Variants in CCSER1 observed in about 807,000 individuals in gnomAD.
The protein encoded by CCSER1 is coiled-coil serine rich protein 1.
A neutral mutation model predicts 82.0 loss-of-function variants in CCSER1; 41 were observed. That is an observed-to-expected ratio of 0.50 (90% CI 0.39 to 0.65). The LOEUF (loss-of-function observed/expected upper bound fraction) is 0.65. Among genes scored for constraint, CCSER1 ranks in the 30% least tolerant of loss-of-function variants. The pLI, the probability that CCSER1 is intolerant of heterozygous loss-of-function variation, is 0.00. For synonymous variants in CCSER1, 414 were observed against 383.9 expected (o/e 1.08, Z -0.92); for missense variants, 1,119 against 1,064.2 (o/e 1.05, Z -0.72).
intron 10 of CCSER1, among the ~76,000 whole-genome samples, chr4:91,099,380 AT>A (rs1205720392): frequency 1.8e-4 from 27 of 152,334 alleles, no homozygotes; most frequent in African/African-American, 5.3e-4. Flanking sequence ...TCAGTAAAAA[AT>A]ATCTCAAAAC....
At chr4:90,736,901 A>C (rs1022435927) in intron 7 of CCSER1, among the ~76,000 whole-genome samples, 13 of 152,072 alleles carry the variant, frequency 8.5e-5, no homozygotes, top group Non-Finnish European at 1.9e-4. Context: ...TTTGCAAGTA[A>C]CAACTTATAA....
At chr4:90,558,283 T>A (rs1778356739) in intron 5 of CCSER1, among the ~76,000 whole-genome samples, 1 of 152,178 alleles carries the variant, frequency 6.6e-6, no homozygotes, top group Non-Finnish European at 1.5e-5. Context: ...ACAATTATTC[T>A]TGAAACTTGA....
chr4:91,037,580 T>A (rs1331916353), intron 9 of CCSER1, among the ~76,000 whole-genome samples: 1 of 124,306 alleles, frequency 8.0e-6, no homozygotes, highest in African/African-American at 2.7e-5. Flanking sequence ...ATATTTCTAC[T>A]TTTCCTTCTT....
intron 8 of CCSER1, among the ~76,000 whole-genome samples, chr4:90,859,088 G>A (rs1016555372): frequency 1.3e-5 from 2 of 151,888 alleles, no homozygotes; most frequent in African/African-American, 2.4e-5. Flanking sequence ...TGTTTGAAGT[G>A]ACAGAAGTGA....
chr4:91,043,175 T>A (rs953318681), intron 9 of CCSER1, among the ~76,000 whole-genome samples: 5 of 151,994 alleles, frequency 3.3e-5, no homozygotes, highest in African/African-American at 1.2e-4. Context: ...AAAACAACTT[T>A]TAGTTAGTAT....
chr4:91,139,184 G>A (rs967922882), intron 10 of CCSER1, among the ~76,000 whole-genome samples: 1 of 152,102 alleles, frequency 6.6e-6, no homozygotes, highest in Non-Finnish European at 1.5e-5. Context: ...AATTCCTGCT[G>A]AATCCATGTT....
At chr4:91,511,772 G>A (rs1759837835) in intron 10 of CCSER1, among the ~76,000 whole-genome samples, 2 of 152,106 alleles carry the variant, frequency 1.3e-5, no homozygotes, top group African/African-American at 4.8e-5. Context: ...CTAGTTGCAG[G>A]AAAACAAGCT....
intron 10 of CCSER1, among the ~76,000 whole-genome samples, chr4:91,594,382 CACATATAT>C (rs940855018): frequency 7.4e-6 from 1 of 135,938 alleles, no homozygotes; most frequent in Admixed American, 7.1e-5. Flanking sequence ...TATATATACA[CACATATAT>C]ACATATATAC....
intron 9 of CCSER1, among the ~76,000 whole-genome samples, chr4:91,024,771 A>G (rs1323851645): frequency 6.6e-6 from 1 of 152,098 alleles, no homozygotes; most frequent in Non-Finnish European, 1.5e-5. Context: ...GCAAACTTGT[A>G]GACATTTTAA....
intron 8 of CCSER1, among the ~76,000 whole-genome samples, chr4:90,824,770 G>C (rs1319347867): frequency 2.6e-5 from 4 of 152,146 alleles, no homozygotes; most frequent in Non-Finnish European, 5.9e-5. Flanking sequence ...ATGGACAGCT[G>C]TAAGTACTTT....
At chr4:90,696,622 C>T (rs549365311) in intron 6 of CCSER1, among the ~76,000 whole-genome samples, 5 of 152,222 alleles carry the variant, frequency 3.3e-5, no homozygotes, top group South Asian at 2.1e-4. Context: ...CATATAGACA[C>T]GTAAACAAAT....
chr4:91,280,931 T>C (rs1196021037), intron 10 of CCSER1, among the ~76,000 whole-genome samples: 1 of 152,104 alleles, frequency 6.6e-6, no homozygotes, highest in Non-Finnish European at 1.5e-5. Flanking sequence ...TGGTGCTATA[T>C]TTGCTTAGGA....
At chr4:90,152,683 G>C (rs1043557354) in intron 1 of CCSER1, among the ~76,000 whole-genome samples, 4 of 152,088 alleles carry the variant, frequency 2.6e-5, no homozygotes, top group African/African-American at 9.7e-5. Context: ...CTGAGATAGA[G>C]AGTGCCCAAA....
intron 10 of CCSER1, among the ~76,000 whole-genome samples, chr4:91,574,257 A>G (rs35668293): frequency 8.1e-4 from 15 of 18,508 alleles, no homozygotes; most frequent in African/African-American, 2.8e-3. Context: ...GAGGTTCTGG[A>G]AAAAAAAAAA....
chr4:91,022,514 G>A (rs1348046219), intron 9 of CCSER1, among the ~76,000 whole-genome samples: 2 of 151,874 alleles, frequency 1.3e-5, no homozygotes, highest in African/African-American at 4.8e-5. Context: ...TAATCCTTTG[G>A]GTATATACCC....
intron 10 of CCSER1, among the ~76,000 whole-genome samples, chr4:91,484,158 G>A (rs1373131204): frequency 2.0e-5 from 3 of 151,370 alleles, no homozygotes; most frequent in Non-Finnish European, 4.4e-5. Flanking sequence ...CTCTAGTCCA[G>A]TCTTAATATT....
intron 10 of CCSER1, among the ~76,000 whole-genome samples, chr4:91,555,684 T>C (rs759487040): frequency 9.9e-5 from 15 of 151,192 alleles, no homozygotes; most frequent in South Asian, 2.1e-4. Context: ...AAAGCCTTAT[T>C]TGAGAAAATT....
intron 10 of CCSER1, among the ~76,000 whole-genome samples, chr4:91,412,022 A>C (rs916223115): frequency 6.6e-6 from 1 of 152,110 alleles, no homozygotes; most frequent in South Asian, 2.1e-4. Flanking sequence ...GTATCTCTTC[A>C]CAGCAACAAT....
At chr4:91,595,108 C>A (rs1764504989) in intron 10 of CCSER1, among the ~76,000 whole-genome samples, 1 of 151,982 alleles carries the variant, frequency 6.6e-6, no homozygotes, top group Non-Finnish European at 1.5e-5. Flanking sequence ...CTTCCCAGGG[C>A]CTGCCAATGT....
Sources: gnomAD v4.1 joint callset for allele counts (sites outside exome capture counted in the v4.1 genomes callset) on GRCh38, gnomAD v4.1.1 for gene constraint, MANE v1.5 for transcripts, NCBI Gene and HGNC (gene_info 2026-07-23, HGNC 2026-07-21) for gene names.